TMEFF1: variants seen among roughly 807,000 people sequenced by gnomAD.
TMEFF1 encodes the protein transmembrane protein with EGF like and two follistatin like domains 1.
TMEFF1 carries 20 observed loss-of-function variants against 47.5 expected under a neutral mutation model. The ratio of observed to expected loss-of-function variants is 0.42; its 90% confidence interval spans 0.30 to 0.61. TMEFF1 has a LOEUF of 0.61. TMEFF1 is among the 20% of genes least tolerant of loss of function. TMEFF1 has a pLI of 0.19. For missense variants in TMEFF1, 411 were observed against 471.1 expected (o/e 0.87, Z 1.18); for synonymous variants, 162 against 166.3 (o/e 0.97, Z 0.20).
intron 1 of TMEFF1, among the ~76,000 whole-genome samples, chr9:100,481,051 G>A (rs1198666699): frequency 6.6e-6 from 1 of 152,114 alleles, no homozygotes; most frequent in Admixed American, 6.6e-5. Context: ...ATGTTCCTTT[G>A]GCTTGGAATC....
intron 2 of TMEFF1, among the ~76,000 whole-genome samples, chr9:100,505,900 A>G (rs1189569328): frequency 6.6e-6 from 1 of 152,236 alleles, no homozygotes; most frequent in Non-Finnish European, 1.5e-5. Context: ...CTAATTGAGT[A>G]TTGTATAATT....
At position 100,522,820 on chromosome 9, in the gene TMEFF1, C is replaced by T. The variant is rs149578871; in HGVS notation, c.560+6049C>T. Among the ~76,000 whole-genome samples, 1,019 of 152,202 alleles carry T rather than the reference C, an allele frequency of 6.7e-3. 6 individuals carry two copies. Among genetic ancestry groups the T allele is most frequent in the African/African-American group, 0.024 (989 of 41,522 alleles). On this transcript the variant is annotated intron_variant, in intron 5 of 9. Transcript: ENST00000374879. Reference sequence around the variant, plus strand: ...CATGATCTCGGCTCACTGCAAGCTCCGCCTCTGGGGTTCACGCCATTCTCC... The same window carrying T: ...CATGATCTCGGCTCACTGCAAGCTCTGCCTCTGGGGTTCACGCCATTCTCC...
At chr9:100,501,137 G>A (rs898409480) in intron 2 of TMEFF1, among the ~76,000 whole-genome samples, 18 of 152,170 alleles carry the variant, frequency 1.2e-4, no homozygotes, top group Non-Finnish European at 2.6e-4. Context: ...TTTTGTTGTT[G>A]AAGATTTAGT....
chr9:100,557,949 G>T (rs1254972644), intron 7 of TMEFF1, among the ~76,000 whole-genome samples: 1 of 151,916 alleles, frequency 6.6e-6, no homozygotes, highest in Non-Finnish European at 1.5e-5. Flanking sequence ...TAGACTCTGT[G>T]AATTCGGACG....
chr9:100,568,763 A>C (rs1285895762), intron 8 of TMEFF1, among the ~76,000 whole-genome samples: 2 of 151,996 alleles, frequency 1.3e-5, no homozygotes, highest in African/African-American at 4.8e-5. Flanking sequence ...CCGCTAATTT[A>C]TTTTCTATCT....
At chr9:100,514,702 A>C (rs527476923) in intron 4 of TMEFF1, among the ~76,000 whole-genome samples, 2 of 151,896 alleles carry the variant, frequency 1.3e-5, no homozygotes, top group African/African-American at 2.4e-5. Context: ...AAAAAAAAAA[A>C]AAAAACAAAA....
intron 5 of TMEFF1, among the ~76,000 whole-genome samples, chr9:100,522,430 CTTTTTTTT>C (rs869111876): frequency 5.7e-5 from 4 of 69,652 alleles, no homozygotes; most frequent in African/African-American, 5.5e-5. Flanking sequence ...GAAATATCTT[CTTTTTTTT>C]TTTTTTTTTT....
intron 5 of TMEFF1, among the ~76,000 whole-genome samples, chr9:100,537,206 C>G (rs1564021847): frequency 2.0e-5 from 3 of 152,096 alleles, no homozygotes; most frequent in Non-Finnish European, 4.4e-5. Flanking sequence ...GCAATCCTGC[C>G]TGTGTTTATG....
chr9:100,497,149 G>T (rs1019625963), intron 1 of TMEFF1, among the ~76,000 whole-genome samples: 8 of 152,018 alleles, frequency 5.3e-5, no homozygotes, highest in African/African-American at 1.7e-4. Context: ...AGGGGGAAAG[G>T]GAAGAGACAG....
rs145475200 is a variant in TMEFF1, at chr9:100,516,645, G to T, written c.464-30G>T. On this transcript the variant is annotated intron_variant, in intron 4 of 9. Transcript: ENST00000374879. ...TATCTGGAAAGGATCCCAACTTTTG[G>T]TTGTAAATTTGATTTTTCTTTTTAA... 8 of 1,604,114 alleles carry T rather than the reference G, an allele frequency of 5.0e-6. No individual in the cohort carries two copies. In the African/African-American group the frequency reaches 9.4e-5, roughly 19 times the overall value.
At chr9:100,483,901 A>G (rs1421978583) in intron 1 of TMEFF1, among the ~76,000 whole-genome samples, 2 of 152,072 alleles carry the variant, frequency 1.3e-5, no homozygotes, top group Non-Finnish European at 2.9e-5. Flanking sequence ...TCTCCTCTTA[A>G]TTAAATAGTT....
chr9:100,516,638 A>G, intron 4 of TMEFF1, 37 bp from the exon 5 acceptor site: 1 of 1,603,692 alleles, frequency 6.2e-7, no homozygotes, highest in East Asian at 2.2e-5. Flanking sequence ...AAGGATCCCA[A>G]CTTTTGGTTG....
intron 1 of TMEFF1, among the ~76,000 whole-genome samples, chr9:100,477,792 A>G (rs1266707959): frequency 6.6e-6 from 1 of 151,630 alleles, no homozygotes; most frequent in Non-Finnish European, 1.5e-5. Context: ...ACGCCCGGCT[A>G]ATTGTTTGTA....
At chr9:100,510,491 A>T (rs990944483) in intron 3 of TMEFF1, among the ~76,000 whole-genome samples, 1 of 152,068 alleles carries the variant, frequency 6.6e-6, no homozygotes, top group African/African-American at 2.4e-5. Flanking sequence ...TCTTTATGAG[A>T]CTGCATCTCA....
intron 5 of TMEFF1, among the ~76,000 whole-genome samples, chr9:100,533,251 A>G (rs981713682): frequency 6.6e-6 from 1 of 152,146 alleles, no homozygotes; most frequent in East Asian, 1.9e-4. Context: ...TAAAAAAAAA[A>G]TGCCTGGATC....
intron 2 of TMEFF1, among the ~76,000 whole-genome samples, chr9:100,499,118 A>T (rs902183438): frequency 1.3e-5 from 2 of 152,166 alleles, no homozygotes; most frequent in African/African-American, 2.4e-5. Context: ...TCAAATTTCT[A>T]TTTAAATGTA....
intron 5 of TMEFF1, among the ~76,000 whole-genome samples, chr9:100,525,760 G>GC (rs934004757): frequency 1.3e-5 from 2 of 152,126 alleles, no homozygotes; most frequent in Admixed American, 1.3e-4. Flanking sequence ...TTAACTCCCT[G>GC]CCCCCTCACC....
In TMEFF1 at chr9:100,576,639, C is replaced by T. The variant is rs372914074; in HGVS notation, c.*39C>T. 1.4e-5 allele frequency: 21 copies of T among 1,554,708 alleles called. No homozygotes were observed. The highest frequency in any genetic ancestry group is 1.8e-5 in the Non-Finnish European group (21 of 1,154,120). On this transcript the variant is annotated 3_prime_UTR_variant, in exon 10 of 10. Transcript: ENST00000374879. ...ATATGTACACTGACCATGTGATGTA[C>T]ATTTATTATGTCTTTTTTTAAAGAA...
chr9:100,575,462 T>A (rs1193593621), intron 9 of TMEFF1, among the ~76,000 whole-genome samples: 2 of 152,186 alleles, frequency 1.3e-5, no homozygotes, highest in African/African-American at 2.4e-5. Flanking sequence ...GAGGGTTGCT[T>A]GATCTGTCAG....
Sources: gnomAD v4.1 joint callset for allele counts (sites outside exome capture counted in the v4.1 genomes callset) on GRCh38, gnomAD v4.1.1 for gene constraint, MANE v1.5 for transcripts, NCBI Gene and HGNC (gene_info 2026-07-23, HGNC 2026-07-21) for gene names.